Variants in SOD2 observed in about 807,000 individuals in gnomAD.
SOD2 encodes the protein superoxide dismutase [Mn], mitochondrial.
SOD2 carries 11 observed loss-of-function variants against 27.0 expected under a neutral mutation model. The observed-to-expected ratio is 0.41, with a 90% CI of 0.26 to 0.67. The LOEUF is 0.67. Ranked by LOEUF, SOD2 falls within the 30% of genes least tolerant of loss-of-function variation. SOD2 has a pLI of 0.34. For missense variants in SOD2, 250 were observed against 274.5 expected, an observed-to-expected ratio of 0.91 and a Z score of 0.63; for synonymous variants, 105 against 103.0, an observed-to-expected ratio of 1.02 and a Z score of -0.12.
At chr6:159,725,121 C>A (rs1488789230) in intron 1 of SOD2, among the ~76,000 whole-genome samples, 2 of 152,132 alleles carry the variant, frequency 1.3e-5, no homozygotes, top group East Asian at 1.9e-4. Context: ...TAAATCCAAT[C>A]TCCTGCATAT....
upstream of SOD2, chr6:159,693,286 A>G (rs1225125706): frequency 3.7e-5 from 31 of 846,254 alleles, no homozygotes; most frequent in South Asian, 6.9e-5. Context: ...CGCGGGGAGC[A>G]GGGCCGCGAC....
chr6:159,715,626 A>G (rs1023792576), intron 1 of SOD2, among the ~76,000 whole-genome samples: 3 of 152,218 alleles, frequency 2.0e-5, no homozygotes, highest in African/African-American at 7.2e-5. Flanking sequence ...TAGGCCAGGC[A>G]TGGTGGCTCA....
chr6:159,715,524 C>T lies in SOD2; in HGVS notation c.-116+11605G>A, dbSNP rs1049173629. ...TGAAGAGATTTGACTGAAGGTTTGACCAAACAGGATCTTACCGTTGCATCC... is the reference window on the plus strand; with the variant it reads ...TGAAGAGATTTGACTGAAGGTTTGATCAAACAGGATCTTACCGTTGCATCC... On this transcript the variant is annotated intron_variant, in intron 1 of 2. Transcript: ENST00000401980. Among the ~76,000 whole-genome samples, 7 of 152,218 alleles carry T rather than the reference C, an allele frequency of 4.6e-5. No homozygotes were observed. The East Asian group carries it at 1.3e-3, about 29-fold the overall frequency.
At chr6:159,697,710 T>G (rs979741042), upstream of SOD2, among the ~76,000 whole-genome samples, 2 of 152,230 alleles carry the variant, frequency 1.3e-5, no homozygotes, top group African/African-American at 4.8e-5. Flanking sequence ...AGTCAAATGC[T>G]TTATTCCTGC....
At chr6:159,700,820 A>G (rs1236089851) in intron 1 of SOD2, among the ~76,000 whole-genome samples, 1 of 152,194 alleles carries the variant, frequency 6.6e-6, no homozygotes, top group Non-Finnish European at 1.5e-5. Context: ...TCTCTGGGAC[A>G]TAACATCTAT....
intron 1 of SOD2, chr6:159,743,649 T>G: frequency 1.3e-6 from 2 of 1,581,010 alleles, no homozygotes; most frequent in Non-Finnish European, 1.7e-6. Context: ...TTTATAATTT[T>G]TTTTTGAATC....
chr6:159,728,435 A>C (rs1408630110), upstream of SOD2, among the ~76,000 whole-genome samples: 4 of 152,058 alleles, frequency 2.6e-5, no homozygotes, highest in Non-Finnish European at 5.9e-5. Context: ...CAAAACAAAA[A>C]AACTATTATT....
At chr6:159,710,222 C>G (rs1777705802) in intron 1 of SOD2, among the ~76,000 whole-genome samples, 1 of 150,882 alleles carries the variant, frequency 6.6e-6, no homozygotes, top group South Asian at 2.1e-4. Context: ...ATGTAACAAA[C>G]CTGCACGTTC....
At chr6:159,761,731 G>A in exon 1 of SOD2, 1 of 362,818 alleles carries the variant, frequency 2.8e-6, no homozygotes, top group Non-Finnish European at 5.5e-6. Context: ...TCAAGTCGGG[G>A]AACTCCAACA....
rs574465662 is a variant in SOD2, at chr6:159,682,365, T to G, written c.*128A>C. On this transcript the variant is annotated 3_prime_UTR_variant, in exon 5 of 5. Coordinates refer to ENST00000538183, the MANE Select transcript of SOD2 (RefSeq NM_000636.4). The stretch of plus-strand genomic sequence containing the variant: ...AAATTATTCAGAACATTAAGTTGTT[T>G]ATGAAATAAGTGACTAAGCAACATC... 2.6e-5 allele frequency: 18 copies of G among 686,974 alleles called. No individual in the cohort carries two copies. The highest frequency in any genetic ancestry group is 3.9e-5 in the Non-Finnish European group (18 of 456,426). 42.6% of individuals were successfully genotyped at this position (686,974 alleles called of 1,614,324 possible).
chr6:159,728,143 TTAC>T (rs1349121101), upstream of SOD2, among the ~76,000 whole-genome samples: 19 of 152,372 alleles, frequency 1.2e-4, no homozygotes, highest in African/African-American at 4.6e-4. Flanking sequence ...CAGTAGGATG[TTAC>T]TACGTTCTCT....
chr6:159,743,613 A>G, intron 1 of SOD2: 2 of 1,523,620 alleles, frequency 1.3e-6, no homozygotes, highest in Non-Finnish European at 8.9e-7. Flanking sequence ...TGACAGAGGT[A>G]TTTAGAACTT....
intron 1 of SOD2, among the ~76,000 whole-genome samples, chr6:159,717,882 T>C (rs1181367927): frequency 2.1e-5 from 3 of 145,142 alleles, no homozygotes; most frequent in African/African-American, 7.6e-5. Context: ...TATTCATACA[T>C]ATATATGTAT....
chr6:159,740,610 C>T (rs529122114), intron 1 of SOD2, among the ~76,000 whole-genome samples: 1 of 151,992 alleles, frequency 6.6e-6, no homozygotes, highest in Admixed American at 6.5e-5. Flanking sequence ...GTTGTAAGTG[C>T]CGTAAAAATA....
At chr6:159,695,302 A>G (rs1777401498), upstream of SOD2, among the ~76,000 whole-genome samples, 1 of 152,146 alleles carries the variant, frequency 6.6e-6, no homozygotes, top group South Asian at 2.1e-4. Context: ...GAGAGTTTAA[A>G]GCGACTCCTA....
chr6:159,714,038 G>A (rs1252977477), intron 1 of SOD2: 3 of 659,428 alleles, frequency 4.5e-6, no homozygotes, highest in Non-Finnish European at 5.4e-6. Flanking sequence ...CAATTTTGGT[G>A]TAGTGGGCAA....
chr6:159,719,350 C>G (rs2114835681), intron 1 of SOD2, among the ~76,000 whole-genome samples: 2 of 152,208 alleles, frequency 1.3e-5, no homozygotes, highest in East Asian at 3.9e-4. Context: ...TGGTGAAACT[C>G]TGTCTTTACT....
At chr6:159,722,786 T>C (rs1367484490) in intron 1 of SOD2, among the ~76,000 whole-genome samples, 1 of 152,198 alleles carries the variant, frequency 6.6e-6, no homozygotes, top group Admixed American at 6.5e-5. Flanking sequence ...ACTCTCAGCC[T>C]GAAAGCCAAA....
At chr6:159,759,384 C>T (rs1447033413) in intron 1 of SOD2, among the ~76,000 whole-genome samples, 1 of 147,556 alleles carries the variant, frequency 6.8e-6, no homozygotes, top group Non-Finnish European at 1.5e-5. Flanking sequence ...AAATTATCTT[C>T]CAGCTGGCCG....
Sources: allele counts gnomAD v4.1 joint callset (sites outside exome capture counted in the v4.1 genomes callset), GRCh38; gene constraint gnomAD v4.1.1; transcripts MANE v1.5; gene names NCBI Gene and HGNC (gene_info 2026-07-23, HGNC 2026-07-21).